PTPRJ: variants seen among roughly 807,000 people sequenced by gnomAD.
PTPRJ encodes receptor-type tyrosine-protein phosphatase eta.
Under a neutral mutation model 141.3 loss-of-function variants are expected in PTPRJ, and 129 were observed. The ratio of observed to expected loss-of-function variants is 0.91; its 90% CI spans 0.79 to 1.06. PTPRJ has a LOEUF of 1.06. Among genes scored for constraint, PTPRJ ranks in the 50% least tolerant of loss-of-function variants. PTPRJ has a pLI of 0.00. For synonymous variants in PTPRJ, 610 were observed against 640.5 expected, an observed-to-expected ratio of 0.95 and a Z score of 0.72; for missense variants, 1,601 against 1,679.7, an observed-to-expected ratio of 0.95 and a Z score of 0.82.
intron 1 of PTPRJ, among the ~76,000 whole-genome samples, chr11:48,057,702 G>GAA (rs1242386365): frequency 6.6e-6 from 1 of 151,568 alleles, no homozygotes; most frequent in Non-Finnish European, 1.5e-5. Flanking sequence ...AGTTTTGAGG[G>GAA]AAAAAAAACT....
chr11:48,144,846 G>T lies in PTPRJ; in HGVS notation c.2747G>T (p.Gly916Val), dbSNP rs1201134125. The T allele has an allele frequency of 6.2e-7, 1 of 1,614,190 alleles. No individual in the cohort carries two copies. The highest frequency in any genetic ancestry group is 1.7e-5 in the Admixed American group (1 of 60,026). The stretch of plus-strand genomic sequence containing the variant: ...GTTGGGAATGAGTCAACCACACTTG[G>T]TTATTACAATGGGAAGCTGGAACCT... ...IDVGNESTTLGYYNGKLEPLG... is the reference protein window; with the variant it reads ...IDVGNESTTLVYYNGKLEPLG... The change falls in exon 13 of 25, where the codon GGT becomes GTT. Residue 916 changes from glycine to valine, a missense_variant. Coordinates refer to ENST00000418331, the MANE Select transcript of PTPRJ (RefSeq NM_002843.4).
Position 48,155,894 on chromosome 11 carries a change from C to T in PTPRJ, c.3303+20C>T. ...ATGCCTGTAAGTTGGGGGACGGTCT[C>T]ACAGCACTGGACTGTTTCGATGAAA... On this transcript the variant is annotated intron_variant, in intron 20 of 24. Coordinates refer to ENST00000418331, the MANE Select transcript of PTPRJ (RefSeq NM_002843.4). 6 of 1,592,986 alleles carry T rather than the reference C, an allele frequency of 3.8e-6. No individual in the cohort carries two copies. The highest frequency in any genetic ancestry group is 5.2e-6 in the Non-Finnish European group (6 of 1,161,046).
At chr11:48,089,733 T>C (rs1855817935) in intron 1 of PTPRJ, among the ~76,000 whole-genome samples, 1 of 152,204 alleles carries the variant, frequency 6.6e-6, no homozygotes, top group African/African-American at 2.4e-5. Context: ...TGTAAAATGC[T>C]TAGCAAGGTG....
In PTPRJ at chr11:48,136,180, C is replaced by T. The variant is rs747596083; in HGVS notation, c.1757C>T (p.Thr586Met). ...ESKHGSNHTS[T>M]YDKAITLQGL... The stretch of plus-strand genomic sequence containing the variant: ...AAGCATGGCTCTAACCACACAAGCA[C>T]GTATGACAAAGCGATTACTCTCCAG... The change falls in exon 9 of 25, where the codon ACG (threonine) becomes ATG (methionine). Residue 586 changes from threonine (T) to methionine (M), a missense_variant. Coordinates refer to ENST00000418331, the MANE Select transcript of PTPRJ (RefSeq NM_002843.4). 32 of 1,614,076 alleles carry T rather than the reference C, an allele frequency of 2.0e-5. No homozygotes were observed. The highest frequency in any genetic ancestry group is 4.0e-5 in the African/African-American group (3 of 74,926).
chr11:48,137,177 C>T lies in PTPRJ; in HGVS notation c.2048C>T (p.Thr683Ile), dbSNP rs1254031909. 6.2e-7 allele frequency: 1 copy of T among 1,613,010 alleles called. No homozygotes were observed. The highest frequency in any genetic ancestry group is 2.2e-5 in the East Asian group (1 of 44,886). Residue 683 changes from threonine to isoleucine, a missense_variant, in exon 10 of 25, where the codon ACA becomes ATA. By Grantham distance (89) the Thr-to-Ile change is moderately conservative (BLOSUM62 -1). Coordinates refer to ENST00000418331, the MANE Select transcript of PTPRJ (RefSeq NM_002843.4). The stretch of plus-strand genomic sequence containing the variant: ...ACGGACATTGGAATTACTGACGCTA[C>T]AGTCACTGAATTAATACCTGGCTCA... ...VVTDIGITDA[T>I]VTELIPGSSY...
intron 11 of PTPRJ, among the ~76,000 whole-genome samples, 153 bp from the exon 12 acceptor site, chr11:48,142,766 T>G (rs1384559933): frequency 6.6e-6 from 1 of 152,240 alleles, no homozygotes; most frequent in Non-Finnish European, 1.5e-5. Flanking sequence ...TTTCCTTCCC[T>G]GCCTTTTGCT....
intron 1 of PTPRJ, among the ~76,000 whole-genome samples, chr11:48,062,356 A>G (rs1329920959): frequency 6.6e-6 from 1 of 152,088 alleles, no homozygotes; most frequent in East Asian, 1.9e-4. Flanking sequence ...TACTAAAAAT[A>G]CAAATAATTA....
At position 48,164,508 on chromosome 11, in the gene PTPRJ, A is replaced by G; in HGVS notation, c.3848A>G (p.Gln1283Arg). The change falls in exon 24 of 25, where the codon CAG becomes CGG. Residue 1283 changes from glutamine (Q) to arginine (R), a missense_variant. Transcript: ENST00000418331. ...CGAATGCATAGGCCTTTAATGGTGCAGACAGAGGTGAGGCCAAGATCTGTA... is the reference window on the plus strand; with the variant it reads ...CGAATGCATAGGCCTTTAATGGTGCGGACAGAGGTGAGGCCAAGATCTGTA... ...DLRMHRPLMV[Q>R]TEDQYVFLNQ... 6.2e-7 allele frequency: 1 copy of G among 1,610,662 alleles called. No individual in the cohort carries two copies. Among genetic ancestry groups the G allele is most frequent in the Non-Finnish European group, 8.5e-7 (1 of 1,178,590 alleles).
chr11:48,013,628 G>A (rs994547102), intron 1 of PTPRJ, among the ~76,000 whole-genome samples: 2 of 152,182 alleles, frequency 1.3e-5, no homozygotes, highest in African/African-American at 4.8e-5. Context: ...GGGAGTTGGG[G>A]TGGTGGCATC....
chr11:48,131,247 T>C (rs1856976379), intron 8 of PTPRJ, among the ~76,000 whole-genome samples: 1 of 151,768 alleles, frequency 6.6e-6, no homozygotes, highest in Non-Finnish European at 1.5e-5. Flanking sequence ...CATGCCTGGC[T>C]AATTTTTATA....
chr11:48,053,467 AAT>A (rs1431157418), intron 1 of PTPRJ, among the ~76,000 whole-genome samples: 1 of 118,200 alleles, frequency 8.5e-6, no homozygotes, highest in Non-Finnish European at 1.6e-5. Flanking sequence ...TATTATATAT[AAT>A]ATATAAAAAA....
intron 1 of PTPRJ, among the ~76,000 whole-genome samples, chr11:48,036,161 T>C (rs977881371): frequency 1.3e-5 from 2 of 152,256 alleles, no homozygotes; most frequent in Non-Finnish European, 2.9e-5. Flanking sequence ...TCATCTCTTC[T>C]GATCCTGACT....
chr11:48,116,931 A>T (rs1292320251), intron 3 of PTPRJ, among the ~76,000 whole-genome samples: 1 of 152,232 alleles, frequency 6.6e-6, no homozygotes, highest in Non-Finnish European at 1.5e-5. Context: ...ATGGTGCCAT[A>T]ACCTCCTTCA....
At chr11:48,112,198 G>T (rs547160756) in intron 2 of PTPRJ, among the ~76,000 whole-genome samples, 2 of 152,176 alleles carry the variant, frequency 1.3e-5, no homozygotes, top group Admixed American at 6.5e-5. Context: ...CAGACAGAAC[G>T]TCTGGTCACA....
chr11:47,982,939 C>A (rs1853950542), intron 1 of PTPRJ, among the ~76,000 whole-genome samples: 1 of 151,934 alleles, frequency 6.6e-6, no homozygotes, highest in African/African-American at 2.4e-5. Flanking sequence ...GTCTAAAAGG[C>A]TCCCAGAAGA....
At chr11:48,046,906 ATATATATTTTTTT>A (rs1275392975) in intron 1 of PTPRJ, among the ~76,000 whole-genome samples, 25 of 84,270 alleles carry the variant, frequency 3.0e-4, no homozygotes, top group African/African-American at 2.2e-3. Flanking sequence ...ATATATATAT[ATATATATTTTTTT>A]TTTTTTTTTT....
At chr11:48,146,769 T>C in intron 14 of PTPRJ, 107 bp from the exon 15 acceptor site, 1 of 799,344 alleles carries the variant, frequency 1.3e-6, no homozygotes, top group East Asian at 2.4e-5. Context: ...GTGTGTATGG[T>C]ATACACACTT....
At chr11:48,080,704 C>T (rs1281485972) in intron 1 of PTPRJ, among the ~76,000 whole-genome samples, 1 of 152,198 alleles carries the variant, frequency 6.6e-6, no homozygotes, top group Non-Finnish European at 1.5e-5. Flanking sequence ...AATGATTGTT[C>T]TTGGCCTCAG....
rs76797050 is a variant in PTPRJ, at chr11:48,122,646, T to C, written c.617-967T>C. ...GACCACTGTGGTGCAGTGATGTTCA[T>C]AACAGCTATCCACAGTCACCGAGCT... On this transcript the variant is annotated intron_variant, in intron 4 of 24. Coordinates refer to ENST00000418331, the MANE Select transcript of PTPRJ (RefSeq NM_002843.4). 5.0e-4 allele frequency among the ~76,000 whole-genome samples: 76 copies of C among 152,334 alleles called. No homozygotes were observed. In the East Asian group the frequency reaches 9.1e-3, roughly 18 times the overall value.
Sources: allele counts gnomAD v4.1 joint callset (sites outside exome capture counted in the v4.1 genomes callset), GRCh38; gene constraint gnomAD v4.1.1; transcripts MANE v1.5; gene names NCBI Gene and HGNC (gene_info 2026-07-23, HGNC 2026-07-21).